Variants in XPO4 observed in about 807,000 individuals in gnomAD.
The protein encoded by XPO4 is exportin 4, also known as exportin-4.
In XPO4, 39 loss-of-function variants were observed where a neutral mutation model predicts 143.0. The observed-to-expected ratio is 0.27, with a 90% CI of 0.21 to 0.36. The LOEUF (loss-of-function observed/expected upper bound fraction) is 0.36. XPO4 is among the 10% of genes least tolerant of loss of function. XPO4 has a pLI of 1.00. For synonymous variants in XPO4, 439 were observed against 474.0 expected, an observed-to-expected ratio of 0.93 and a Z score of 0.96; for missense variants, 907 against 1,348.0, an observed-to-expected ratio of 0.67 and a Z score of 5.12.
At chr13:20,889,666 T>A (rs905148240) in intron 1 of XPO4, among the ~76,000 whole-genome samples, 5 of 152,136 alleles carry the variant, frequency 3.3e-5, no homozygotes, top group African/African-American at 1.2e-4. Context: ...AGGAAAAAAA[T>A]ATGGTAATCT....
intron 1 of XPO4, among the ~76,000 whole-genome samples, chr13:20,871,447 G>A (rs770189141): frequency 9.2e-5 from 14 of 152,126 alleles, no homozygotes; most frequent in Non-Finnish European, 1.8e-4. Flanking sequence ...TGCCTCTTCC[G>A]TAACTGGGAC....
At chr13:20,852,949 C>A (rs576972555) in intron 4 of XPO4, 26 of 985,238 alleles carry the variant, frequency 2.6e-5, no homozygotes, top group Non-Finnish European at 3.1e-5. Flanking sequence ...AATGCTTTTG[C>A]GGTCAATTGA....
At chr13:20,821,674 G>T in intron 9 of XPO4, 30 bp downstream of exon 9, 1 of 1,575,662 alleles carries the variant, frequency 6.3e-7, no homozygotes, top group South Asian at 1.2e-5. Context: ...TGTGAAAACT[G>T]ACACAATTTA....
intron 22 of XPO4, 38 bp from the exon 23 acceptor site, chr13:20,783,957 A>G (rs1318012284): frequency 6.3e-7 from 1 of 1,594,326 alleles, no homozygotes; most frequent in East Asian, 2.2e-5. Context: ...TATCCTCCTT[A>G]GAATATCATA....
chr13:20,818,191 T>C (rs1040173117), intron 9 of XPO4, among the ~76,000 whole-genome samples: 1 of 152,346 alleles, frequency 6.6e-6, no homozygotes, highest in South Asian at 2.1e-4. Context: ...GAAAAAATTC[T>C]TATCTCCAAA....
At chr13:20,787,637 A>C in intron 20 of XPO4, 39 bp from the exon 21 acceptor site, 6 of 1,550,850 alleles carry the variant, frequency 3.9e-6, no homozygotes, top group Non-Finnish European at 5.3e-6. Flanking sequence ...GATTGGATAT[A>C]TTCGATTTAT....
At chr13:20,883,771 T>G (rs1187629097) in intron 1 of XPO4, among the ~76,000 whole-genome samples, 2 of 152,198 alleles carry the variant, frequency 1.3e-5, no homozygotes, top group African/African-American at 2.4e-5. Context: ...TATTGGGTTT[T>G]TTTGTTTGTT....
chr13:20,787,110 C>T (rs1237319692), intron 21 of XPO4, 53 bp from the exon 22 acceptor site: 4 of 1,413,170 alleles, frequency 2.8e-6, no homozygotes, highest in African/African-American at 2.9e-5. Context: ...ATATATCCTC[C>T]AGTCCCTCCC....
chr13:20,813,123 G>C (rs2059604663), intron 9 of XPO4, among the ~76,000 whole-genome samples: 1 of 152,116 alleles, frequency 6.6e-6, no homozygotes, highest in African/African-American at 2.4e-5. Context: ...ACAGTGAGGA[G>C]ATAACTGCCA....
chr13:20,825,095 C>A (rs567254623), intron 7 of XPO4, among the ~76,000 whole-genome samples: 1 of 152,008 alleles, frequency 6.6e-6, no homozygotes, highest in South Asian at 2.1e-4. Flanking sequence ...AAGGAAGAGA[C>A]CATAAGCGAG....
rs760331042 is a variant in XPO4, at chr13:20,788,451, G to A, written c.3047+35C>T. 8 of 1,582,186 alleles carry A rather than the reference G, an allele frequency of 5.1e-6. No individual in the cohort carries two copies. In the South Asian group the frequency reaches 9.6e-5, roughly 19 times the overall value. ...TTTAAAGGAAGATCTTTTTCCCCAA[G>A]TAACAAGTAACAGTGATGTTCATTT... On this transcript the variant is annotated intron_variant, in intron 20 of 22. Transcript: ENST00000255305.
chr13:20,783,895 T>C lies in XPO4; in HGVS notation c.3283A>G (p.Thr1095Ala). 1 of 1,614,178 alleles carries C rather than the reference T, an allele frequency of 6.2e-7. No homozygotes were observed. The highest frequency in any genetic ancestry group is 8.5e-7 in the Non-Finnish European group (1 of 1,180,022). The part of the protein sequence containing the change: ...HQAEYSELVE[T>A]LLSSQQDPVI... ...GGGTCTTGCTGACTTGATAGTAATG[T>C]TTCGACCAGTTCAGAATATTCAGCC... The change falls in exon 23 of 23, where the codon ACA (threonine) becomes GCA (alanine). Residue 1095 changes from threonine (T) to alanine (A), a missense_variant. Coordinates refer to ENST00000255305, the MANE Select transcript of XPO4 (RefSeq NM_022459.5).
intron 4 of XPO4, among the ~76,000 whole-genome samples, chr13:20,853,633 T>C (rs2060112627): frequency 6.6e-6 from 1 of 152,220 alleles, no homozygotes. Flanking sequence ...TCAAATTTAT[T>C]AGTTTTATAC....
At position 20,783,889 on chromosome 13, in the gene XPO4, G is replaced by A; in HGVS notation, c.3289C>T (p.Leu1097=). ...ATAACTGGGTCTTGCTGACTTGATA[G>A]TAATGTTTCGACCAGTTCAGAATAT... ...AEYSELVETL[L]SSQQDPVIYQ... is the part of the protein sequence containing the mutation. The change falls in exon 23 of 23, where the codon CTA becomes TTA. Residue 1097 remains leucine, a synonymous_variant. Transcript: ENST00000255305. The A allele has an allele frequency of 6.2e-7, 1 of 1,614,166 alleles. No individual in the cohort carries two copies. Among genetic ancestry groups the A allele is most frequent in the Non-Finnish European group, 8.5e-7 (1 of 1,180,024 alleles).
intron 1 of XPO4, among the ~76,000 whole-genome samples, chr13:20,873,406 C>A (rs1019144965): frequency 6.6e-6 from 1 of 152,086 alleles, no homozygotes; most frequent in Non-Finnish European, 1.5e-5. Flanking sequence ...TCAGGGCTGA[C>A]TATATGCCAA....
intron 1 of XPO4, among the ~76,000 whole-genome samples, chr13:20,891,630 A>G (rs2060517604): frequency 6.6e-6 from 1 of 152,064 alleles, no homozygotes; most frequent in African/African-American, 2.4e-5. Flanking sequence ...TGGGAGGCTG[A>G]GGCAGGCGGA....
intron 3 of XPO4, chr13:20,859,956 G>T: frequency 1.7e-6 from 1 of 572,250 alleles, no homozygotes; most frequent in Non-Finnish European, 2.2e-6. Context: ...GGGGAGAAAA[G>T]GCTATGACAA....
At chr13:20,801,816 T>G (rs1484844571) in intron 13 of XPO4, among the ~76,000 whole-genome samples, 2 of 152,192 alleles carry the variant, frequency 1.3e-5, no homozygotes, top group East Asian at 3.9e-4. Context: ...CCTTTACTAG[T>G]GCTCTCAGGA....
intron 1 of XPO4, among the ~76,000 whole-genome samples, chr13:20,892,001 C>T (rs1345731065): frequency 6.6e-6 from 1 of 151,896 alleles, no homozygotes; most frequent in Non-Finnish European, 1.5e-5. Flanking sequence ...AACATCAAAA[C>T]CACAAATCTG....
Sources: gnomAD v4.1 joint callset for allele counts (sites outside exome capture counted in the v4.1 genomes callset) on GRCh38, gnomAD v4.1.1 for gene constraint, MANE v1.5 for transcripts, NCBI Gene and HGNC (gene_info 2026-07-23, HGNC 2026-07-21) for gene names.